The following MACROD2 variants were observed in gnomAD, a reference collection of about 807,000 sequenced individuals.
MACROD2 encodes ADP-ribose glycohydrolase MACROD2.
In MACROD2, 36 loss-of-function variants were observed where a neutral mutation model predicts 70.4. The ratio of observed to expected loss-of-function variants is 0.51; its 90% CI spans 0.39 to 0.68. MACROD2 has a LOEUF of 0.68. Ranked by LOEUF, MACROD2 falls within the 30% of genes least tolerant of loss-of-function variation. MACROD2 has a pLI of 0.00. For missense variants in MACROD2, 496 were observed against 538.4 expected (o/e 0.92, Z 0.78); for synonymous variants, 172 against 178.8 (o/e 0.96, Z 0.30).
intron 15 of MACROD2, among the ~76,000 whole-genome samples, chr20:15,995,297 C>T (rs2066612098): frequency 1.3e-5 from 2 of 151,692 alleles, no homozygotes; most frequent in Non-Finnish European, 2.9e-5. Flanking sequence ...GGGCTCATCC[C>T]AAGCATAGAG....
chr20:15,772,099 A>ATATATATAT (rs1433838867), intron 8 of MACROD2, among the ~76,000 whole-genome samples: 7 of 91,286 alleles, frequency 7.7e-5, no homozygotes, highest in African/African-American at 2.3e-4. Context: ...AAAAAAAAAA[A>ATATATATAT]AAATATATAT....
In MACROD2 at chr20:15,211,153, A is replaced by T. The variant is rs143790727; in HGVS notation, c.419-18787A>T. On this transcript the variant is annotated intron_variant, in intron 5 of 17. Coordinates refer to ENST00000684519, the MANE Select transcript of MACROD2 (RefSeq NM_001351661.2). ...ATTAATCTACATTCTGCCTCTGTGG[A>T]TTTGCCTATTCTGGACATCTTATAT... 2.0e-5 allele frequency among the ~76,000 whole-genome samples: 3 copies of T among 152,124 alleles called. No homozygotes were observed. In the East Asian group the frequency reaches 5.8e-4, roughly 29 times the overall value.
intron 3 of MACROD2, among the ~76,000 whole-genome samples, chr20:14,388,263 C>T (rs1302659065): frequency 6.6e-6 from 1 of 152,010 alleles, no homozygotes; most frequent in Non-Finnish European, 1.5e-5. Context: ...CCACCCATCT[C>T]AGCCTCCCAA....
intron 10 of MACROD2, chr20:15,893,985 G>T (rs1410642795): frequency 2.2e-6 from 1 of 455,642 alleles, no homozygotes. Flanking sequence ...GGCAGGAATA[G>T]CTGGGCTCTA....
At chr20:14,106,431 T>C (rs1436604991) in intron 3 of MACROD2, among the ~76,000 whole-genome samples, 1 of 152,128 alleles carries the variant, frequency 6.6e-6, no homozygotes, top group Non-Finnish European at 1.5e-5. Context: ...CACGTAAATC[T>C]CTAAGGTTTT....
chr20:15,466,047 G>A (rs1010471506), intron 7 of MACROD2, among the ~76,000 whole-genome samples: 2 of 151,806 alleles, frequency 1.3e-5, no homozygotes, highest in East Asian at 1.9e-4. Flanking sequence ...GTACTGTAAA[G>A]GAAATGAAAC....
At chr20:14,285,145 G>A (rs550047186) in intron 3 of MACROD2, among the ~76,000 whole-genome samples, 20 of 152,140 alleles carry the variant, frequency 1.3e-4, no homozygotes, top group Admixed American at 1.3e-4. Context: ...TATCTGGAAT[G>A]CTTGGAACCA....
chr20:14,799,487 A>T (rs1318027957), intron 5 of MACROD2, among the ~76,000 whole-genome samples: 2 of 152,150 alleles, frequency 1.3e-5, no homozygotes, highest in African/African-American at 4.8e-5. Context: ...AGCATAGATG[A>T]TGTTGAGTTC....
intron 3 of MACROD2, among the ~76,000 whole-genome samples, chr20:14,108,796 A>G (rs1345063901): frequency 6.6e-6 from 1 of 152,068 alleles, no homozygotes; most frequent in East Asian, 1.9e-4. Flanking sequence ...AGAGAGAGAT[A>G]TAACCCAATA....
chr20:15,120,957 C>T (rs1036551512), intron 5 of MACROD2, among the ~76,000 whole-genome samples: 2 of 152,162 alleles, frequency 1.3e-5, no homozygotes, highest in South Asian at 2.1e-4. Context: ...TATCCAGAAG[C>T]GCTGTCGGAA....
chr20:15,977,320 T>A (rs1292064846), intron 13 of MACROD2, among the ~76,000 whole-genome samples: 1 of 152,212 alleles, frequency 6.6e-6, no homozygotes, highest in Non-Finnish European at 1.5e-5. Flanking sequence ...GGAAACTTCA[T>A]CTGAAGACAT....
chr20:15,546,633 A>G (rs1256864861), intron 8 of MACROD2, among the ~76,000 whole-genome samples: 4 of 152,240 alleles, frequency 2.6e-5, no homozygotes, highest in Non-Finnish European at 5.9e-5. Flanking sequence ...AAGCACATCA[A>G]TGCAAAGGTG....
intron 3 of MACROD2, among the ~76,000 whole-genome samples, chr20:14,347,486 C>T (rs552289514): frequency 9.2e-5 from 14 of 152,076 alleles, no homozygotes; most frequent in Non-Finnish European, 1.3e-4. Flanking sequence ...TAAATATAGA[C>T]GAAAATATAG....
chr20:15,969,663 G>A (rs967950714), intron 13 of MACROD2, among the ~76,000 whole-genome samples: 3 of 152,050 alleles, frequency 2.0e-5, no homozygotes, highest in Non-Finnish European at 2.9e-5. Flanking sequence ...GGGGAAGAAA[G>A]GAAGGCACAC....
chr20:15,374,024 ATGTC>A (rs1223177597), intron 6 of MACROD2, among the ~76,000 whole-genome samples: 1 of 151,920 alleles, frequency 6.6e-6, no homozygotes, highest in Non-Finnish European at 1.5e-5. Context: ...ATGAGAATTC[ATGTC>A]TTTTGTCAAC....
At chr20:14,030,392 T>A (rs1463531186) in intron 2 of MACROD2, among the ~76,000 whole-genome samples, 3 of 152,116 alleles carry the variant, frequency 2.0e-5, no homozygotes, top group African/African-American at 7.2e-5. Flanking sequence ...AGAGCCATTA[T>A]GAATTTTATT....
At chr20:15,692,728 A>C (rs1369374420) in intron 8 of MACROD2, among the ~76,000 whole-genome samples, 1 of 152,190 alleles carries the variant, frequency 6.6e-6, no homozygotes, top group African/African-American at 2.4e-5. Context: ...CTTATGACTC[A>C]GCAGACATTA....
chr20:15,977,672 CTT>C (rs1366866309), intron 13 of MACROD2, among the ~76,000 whole-genome samples: 4 of 152,186 alleles, frequency 2.6e-5, no homozygotes, highest in African/African-American at 9.7e-5. Context: ...AAATTTCTCT[CTT>C]AATCTGGTAA....
chr20:14,630,741 TA>T (rs1052370981), intron 4 of MACROD2, among the ~76,000 whole-genome samples: 6 of 152,148 alleles, frequency 3.9e-5, no homozygotes, highest in Admixed American at 2.6e-4. Flanking sequence ...AAATTTAAAT[TA>T]AAAAAATATA....
Sources: allele counts gnomAD v4.1 joint callset (sites outside exome capture counted in the v4.1 genomes callset), GRCh38; gene constraint gnomAD v4.1.1; transcripts MANE v1.5; gene names NCBI Gene and HGNC (gene_info 2026-07-23, HGNC 2026-07-21).